PCOLCE2: variants seen among roughly 807,000 people sequenced by gnomAD.
The protein encoded by PCOLCE2 is procollagen C-endopeptidase enhancer 2, also known as procollagen C-proteinase enhancer 2.
In PCOLCE2, 42 loss-of-function variants were observed where a neutral mutation model predicts 47.0. The observed-to-expected ratio is 0.89, with a 90% confidence interval of 0.70 to 1.16. The LOEUF is 1.16. PCOLCE2 is among the 50% of genes most tolerant of loss of function. The pLI is 0.00. For synonymous variants in PCOLCE2, 169 were observed against 191.7 expected (o/e 0.88, Z 0.98); for missense variants, 500 against 526.1 (o/e 0.95, Z 0.49).
intron 2 of PCOLCE2, among the ~76,000 whole-genome samples, chr3:142,854,647 G>A (rs1192850832): frequency 1.3e-5 from 2 of 152,054 alleles, no homozygotes; most frequent in Non-Finnish European, 2.9e-5. Flanking sequence ...TGTCTAGAAG[G>A]GGCGTGGAAA....
At chr3:142,840,946 G>A (rs1218900809) in intron 4 of PCOLCE2, among the ~76,000 whole-genome samples, 1 of 151,936 alleles carries the variant, frequency 6.6e-6, no homozygotes, top group Non-Finnish European at 1.5e-5. Flanking sequence ...ATGGTGGCGG[G>A]TTCCTGTAGT....
At chr3:142,877,309 A>C (rs952917723) in intron 2 of PCOLCE2, among the ~76,000 whole-genome samples, 14 of 152,176 alleles carry the variant, frequency 9.2e-5, no homozygotes, top group Non-Finnish European at 1.3e-4. Flanking sequence ...CTTATGAAAG[A>C]TCATATTTTA....
intron 5 of PCOLCE2, among the ~76,000 whole-genome samples, chr3:142,838,127 G>A (rs1435156565): frequency 6.6e-6 from 1 of 151,840 alleles, no homozygotes; most frequent in Non-Finnish European, 1.5e-5. Context: ...CCAGGTACCC[G>A]GCTCTGCATC....
At position 142,888,967 on chromosome 3, in the gene PCOLCE2, GCGCTCACACCGC is replaced by G; in HGVS notation, c.-83_-72del. 1 of 483,114 alleles carries G rather than the reference GCGCTCACACCGC, an allele frequency of 2.1e-6. No individual in the cohort carries two copies. The highest frequency in any genetic ancestry group is 3.3e-6 in the Non-Finnish European group (1 of 305,956). 29.9% of individuals were successfully genotyped at this position (483,114 alleles called of 1,614,324 possible). On this transcript the variant is annotated 5_prime_UTR_variant, in exon 1 of 9. Coordinates refer to ENST00000295992, the MANE Select transcript of PCOLCE2 (RefSeq NM_013363.4). Reference sequence around the variant, plus strand: ...GCACACACGCCCCTCCGCACCCACCGCGCTCACACCGCCGCTCACACTGGCAGCAGCGCTGGC... The same window carrying G: ...GCACACACGCCCCTCCGCACCCACCGCGCTCACACTGGCAGCAGCGCTGGC...
chr3:142,838,790 A>G lies in PCOLCE2; in HGVS notation c.690T>C (p.Tyr230=). 3 of 1,613,942 alleles carry G rather than the reference A, an allele frequency of 1.9e-6. No homozygotes were observed. In the South Asian group the frequency reaches 3.3e-5, roughly 18 times the overall value. The change falls in exon 5 of 9, where the codon TAT becomes TAC. Residue 230 remains tyrosine, a synonymous_variant. Transcript: ENST00000295992. The part of the protein sequence containing the change: ...EVNDARRIGK[Y]CGDSPPAPIV... ...CTTACGCAGGTGGACTATCACCACA[A>G]TACTTTCCAATTCTTCTAGCATCGT... is the stretch of plus-strand genomic sequence containing the variant.
intron 2 of PCOLCE2, among the ~76,000 whole-genome samples, chr3:142,868,503 C>T (rs1933325447): frequency 6.6e-6 from 1 of 152,004 alleles, no homozygotes; most frequent in Admixed American, 6.6e-5. Context: ...TTGGGATTAC[C>T]TGCTCCACCC....
chr3:142,875,453 G>A (rs1177003581), intron 2 of PCOLCE2, among the ~76,000 whole-genome samples: 1 of 152,128 alleles, frequency 6.6e-6, no homozygotes, highest in Non-Finnish European at 1.5e-5. Flanking sequence ...TGATCCAGCA[G>A]TTCCACTCCT....
rs570041180 is a variant in PCOLCE2, at chr3:142,888,383, T to C, written c.83+431A>G. ...GAGTTAACTTTCCGGAGCGGCTCCC[T>C]AGGCGCCGCGCCGCTAGGGTTGTTC... is the stretch of plus-strand genomic sequence containing the variant. On this transcript the variant is annotated intron_variant, in intron 1 of 8. Coordinates refer to ENST00000295992, the MANE Select transcript of PCOLCE2 (RefSeq NM_013363.4). Among the ~76,000 whole-genome samples the C allele has an allele frequency of 4.6e-5, 7 of 152,172 alleles. No homozygotes were observed. The South Asian group carries it at 1.0e-3, about 23-fold the overall frequency.
intron 2 of PCOLCE2, among the ~76,000 whole-genome samples, chr3:142,871,627 T>C (rs761107811): frequency 3.9e-5 from 6 of 152,176 alleles, no homozygotes; most frequent in Non-Finnish European, 8.8e-5. Flanking sequence ...AGAACAAAAC[T>C]GAGGTTTCCC....
In PCOLCE2 at chr3:142,888,783, A is replaced by T. The variant is rs371370029; in HGVS notation, c.83+31T>A. ...GCAGGGGTGGAGGAAGGGAAAGGAG[A>T]GAAAGGGAGCCCGGGCAGGGGTCGC... On this transcript the variant is annotated intron_variant, in intron 1 of 8. Coordinates refer to ENST00000295992, the MANE Select transcript of PCOLCE2 (RefSeq NM_013363.4). 97 of 1,357,040 alleles carry T rather than the reference A, an allele frequency of 7.1e-5. No homozygotes were observed. The African/African-American group carries it at 1.4e-3, about 20-fold the overall frequency. The allele number at this position is 1,357,040 out of a possible 1,614,324, so 84.1% of individuals were successfully genotyped here.
In PCOLCE2 at chr3:142,829,890, G is replaced by A. The variant is rs200767606; in HGVS notation, c.711-44C>T. On this transcript the variant is annotated intron_variant, in intron 5 of 8. Coordinates refer to ENST00000295992, the MANE Select transcript of PCOLCE2 (RefSeq NM_013363.4). Reference sequence around the variant, plus strand: ...GTTTTTTTATAAATACTTAAAAGTGGTGCCTCTCTGAAAATGTAAAATTTT... The same window carrying A: ...GTTTTTTTATAAATACTTAAAAGTGATGCCTCTCTGAAAATGTAAAATTTT... 2.3e-5 allele frequency: 27 copies of A among 1,170,956 alleles called. 1 individual carries two copies. In the African/African-American group the frequency reaches 3.4e-4, roughly 15 times the overall value. 72.5% of individuals were successfully genotyped at this position (1,170,956 alleles called of 1,614,324 possible).
At position 142,887,656 on chromosome 3, in the gene PCOLCE2, A is replaced by T. The variant is rs767876806; in HGVS notation, c.192+13T>A. On this transcript the variant is annotated intron_variant, in intron 2 of 8. Coordinates refer to ENST00000295992, the MANE Select transcript of PCOLCE2 (RefSeq NM_013363.4). The stretch of plus-strand genomic sequence containing the variant: ...CCCACTTCCAGGAGAATACCTTTTT[A>T]AAAAATGCTTACTGTGATTTTCCAA... 2.0e-5 allele frequency: 27 copies of T among 1,378,260 alleles called. No homozygotes were observed. The South Asian group carries it at 2.0e-4, about 10-fold the overall frequency. The allele number at this position is 1,378,260 out of a possible 1,614,324, so 85.4% of individuals were successfully genotyped here.
intron 5 of PCOLCE2, 89 bp from the exon 6 acceptor site, chr3:142,829,935 C>T (rs1000531441): frequency 3.5e-5 from 23 of 665,948 alleles, no homozygotes; most frequent in African/African-American, 1.3e-4. Flanking sequence ...CATTAACTTC[C>T]GACAATAGAT....
chr3:142,854,245 G>A (rs527620803), intron 2 of PCOLCE2, among the ~76,000 whole-genome samples: 5 of 151,792 alleles, frequency 3.3e-5, no homozygotes, highest in Admixed American at 6.6e-5. Context: ...AATCTTCTAC[G>A]ATTTCCCTCT....
chr3:142,884,456 T>C (rs569705189), intron 2 of PCOLCE2, among the ~76,000 whole-genome samples: 8 of 152,354 alleles, frequency 5.3e-5, no homozygotes, highest in Non-Finnish European at 1.2e-4. Context: ...TTTATGCAGA[T>C]GCCTTTTAGG....
At chr3:142,841,627 A>G (rs1578035393) in intron 4 of PCOLCE2, among the ~76,000 whole-genome samples, 1 of 152,210 alleles carries the variant, frequency 6.6e-6, no homozygotes, top group African/African-American at 2.4e-5. Context: ...ATTTCTTCTT[A>G]AAAATAAAAC....
chr3:142,847,991 T>C (rs570652992), intron 3 of PCOLCE2, among the ~76,000 whole-genome samples: 2 of 152,382 alleles, frequency 1.3e-5, no homozygotes, highest in South Asian at 4.1e-4. Flanking sequence ...TGCTTATGTA[T>C]GTAAGCTCCA....
intron 6 of PCOLCE2, chr3:142,827,000 G>A (rs1461649938): frequency 3.0e-6 from 2 of 664,242 alleles, no homozygotes; most frequent in Non-Finnish European, 5.2e-6. Context: ...TCTCTGCCTA[G>A]GTCATCTCGT....
At chr3:142,851,294 T>C (rs1932932784) in intron 2 of PCOLCE2, among the ~76,000 whole-genome samples, 1 of 152,170 alleles carries the variant, frequency 6.6e-6, no homozygotes, top group African/African-American at 2.4e-5. Context: ...CTCTGCATGG[T>C]GGCGATATTT....
Sources: allele counts gnomAD v4.1 joint callset (sites outside exome capture counted in the v4.1 genomes callset), GRCh38; gene constraint gnomAD v4.1.1; transcripts MANE v1.5; gene names NCBI Gene and HGNC (gene_info 2026-07-23, HGNC 2026-07-21).